Variants in RGS6 observed in about 807,000 individuals in gnomAD.
RGS6 encodes the protein regulator of G protein signaling 6.
A neutral mutation model predicts 78.5 loss-of-function variants in RGS6; 30 were observed. That is an observed-to-expected ratio of 0.38 (90% CI 0.29 to 0.52). RGS6 has a LOEUF of 0.52. Among genes scored for constraint, RGS6 ranks in the 20% least tolerant of loss-of-function variants. RGS6 has a pLI of 0.85. For missense variants in RGS6, 495 were observed against 609.7 expected (o/e 0.81, Z 1.98); for synonymous variants, 206 against 206.0 (o/e 1.00, Z 0.00).
At chr14:72,106,605 T>A (rs966720504) in intron 2 of RGS6, among the ~76,000 whole-genome samples, 1 of 152,196 alleles carries the variant, frequency 6.6e-6, no homozygotes, top group Non-Finnish European at 1.5e-5. Context: ...TTCCAGTAAT[T>A]ACTCCCTTGC....
intron 3 of RGS6, among the ~76,000 whole-genome samples, chr14:72,449,131 G>A (rs1455961129): frequency 6.6e-6 from 1 of 152,152 alleles, no homozygotes; most frequent in Non-Finnish European, 1.5e-5. Flanking sequence ...AAATCCAATG[G>A]ATCAAGTCAT....
chr14:72,345,676 G>A (rs1004706858), intron 2 of RGS6, among the ~76,000 whole-genome samples: 2 of 152,148 alleles, frequency 1.3e-5, no homozygotes, highest in Non-Finnish European at 2.9e-5. Flanking sequence ...GAGTCACTCT[G>A]AAATGTATTA....
intron 3 of RGS6, among the ~76,000 whole-genome samples, chr14:72,370,708 G>A (rs779325025): frequency 4.9e-4 from 74 of 152,110 alleles, no homozygotes; most frequent in Non-Finnish European, 1.1e-3. Context: ...GAGACTACCA[G>A]AGTGTTGAAA....
At chr14:71,879,101 A>T in the RGS6 span, among the ~76,000 whole-genome samples, 2 of 152,156 alleles carry the variant, frequency 1.3e-5, no homozygotes, top group African/African-American at 2.4e-5. Flanking sequence ...GATGTTTACA[A>T]AAAGGGAAGA....
chr14:72,407,222 T>TC (rs2093010112), intron 3 of RGS6, among the ~76,000 whole-genome samples: 1 of 152,172 alleles, frequency 6.6e-6, no homozygotes, highest in South Asian at 2.1e-4. Flanking sequence ...GGATCTGCAT[T>TC]CTCTCTGTGT....
the RGS6 span, among the ~76,000 whole-genome samples, chr14:71,911,284 C>T: frequency 6.6e-6 from 1 of 152,140 alleles, no homozygotes; most frequent in South Asian, 2.1e-4. Context: ...CTCAACACCT[C>T]GATTCAAGAA....
chr14:72,421,649 G>C (rs2094187039), intron 3 of RGS6: 2 of 152,212 alleles, frequency 1.3e-5, no homozygotes, highest in Admixed American at 1.3e-4. Flanking sequence ...AGACAGCACC[G>C]GCTTAGAAAC....
intron 2 of RGS6, among the ~76,000 whole-genome samples, chr14:72,221,848 C>T (rs567824542): frequency 1.3e-5 from 2 of 152,136 alleles, no homozygotes; most frequent in Non-Finnish European, 2.9e-5. Flanking sequence ...CCAGTAGGGC[C>T]CTCCCTGGGA....
chr14:72,166,527 A>G (rs1411678215), intron 2 of RGS6, among the ~76,000 whole-genome samples: 1 of 152,192 alleles, frequency 6.6e-6, no homozygotes, highest in Non-Finnish European at 1.5e-5. Context: ...GATGGAGAAG[A>G]TCTCATTATA....
At chr14:72,287,813 C>A (rs2062856943) in intron 2 of RGS6, among the ~76,000 whole-genome samples, 1 of 152,164 alleles carries the variant, frequency 6.6e-6, no homozygotes, top group Non-Finnish European at 1.5e-5. Context: ...AGAGTTTTAT[C>A]TTGGAAGGTC....
At chr14:72,198,655 C>T (rs1000099647) in intron 2 of RGS6, among the ~76,000 whole-genome samples, 4 of 152,184 alleles carry the variant, frequency 2.6e-5, no homozygotes, top group African/African-American at 9.7e-5. Context: ...TGAAGTTCAG[C>T]TTCCTAATTT....
chr14:72,439,868 C>T (rs979607398), intron 3 of RGS6, among the ~76,000 whole-genome samples: 8 of 152,204 alleles, frequency 5.3e-5, no homozygotes, highest in Non-Finnish European at 1.5e-5. Context: ...TCCACCTTCT[C>T]CTAGAAAGAC....
chr14:72,072,793 C>G (rs536780550), intron 2 of RGS6, among the ~76,000 whole-genome samples: 1 of 152,230 alleles, frequency 6.6e-6, no homozygotes, highest in South Asian at 2.1e-4. Flanking sequence ...ATTTTTATGT[C>G]AAAATATATT....
the RGS6 span, among the ~76,000 whole-genome samples, chr14:71,879,253 A>T: frequency 6.6e-6 from 1 of 152,230 alleles, no homozygotes; most frequent in South Asian, 2.1e-4. Flanking sequence ...GTTAATTCTG[A>T]AATTTGCTGT....
intron 13 of RGS6, among the ~76,000 whole-genome samples, chr14:72,509,628 G>GT (rs1429847383): frequency 6.6e-6 from 1 of 152,238 alleles, no homozygotes; most frequent in Non-Finnish European, 1.5e-5. Context: ...ATAAGTGCAT[G>GT]TAACATTCTG....
intron 3 of RGS6, among the ~76,000 whole-genome samples, chr14:72,396,022 A>G (rs1250127418): frequency 1.3e-5 from 2 of 152,116 alleles, no homozygotes; most frequent in African/African-American, 4.8e-5. Flanking sequence ...TGGCAGCATG[A>G]TTTATAATCC....
At position 72,442,436 on chromosome 14, in the gene RGS6, G is replaced by A. The variant is rs138915570; in HGVS notation, c.185-12092G>A. ...CTCTGTGAGCCTTTTCTTGACACTG[G>A]GTCACCCAGAATTACTCCCCTGTCT... is the stretch of plus-strand genomic sequence containing the variant. On this transcript the variant is annotated intron_variant, in intron 3 of 17. Coordinates refer to ENST00000553525, the MANE Select transcript of RGS6 (RefSeq NM_001204424.2). 3.8e-4 allele frequency among the ~76,000 whole-genome samples: 57 copies of A among 151,936 alleles called. 1 individual carries two copies. Among genetic ancestry groups the A allele is most frequent in the African/African-American group, 1.4e-3 (57 of 41,404 alleles).
At chr14:72,072,553 C>T (rs920475529) in intron 2 of RGS6, among the ~76,000 whole-genome samples, 1 of 151,878 alleles carries the variant, frequency 6.6e-6, no homozygotes. Flanking sequence ...AGGTGATCCA[C>T]CTGCCCCGGC....
chr14:72,131,388 A>C (rs1446599729), intron 2 of RGS6, among the ~76,000 whole-genome samples: 1 of 152,164 alleles, frequency 6.6e-6, no homozygotes, highest in Non-Finnish European at 1.5e-5. Context: ...TATTATCTCA[A>C]ATCAAATATT....
Sources: gnomAD v4.1 joint callset for allele counts (sites outside exome capture counted in the v4.1 genomes callset) on GRCh38, gnomAD v4.1.1 for gene constraint, MANE v1.5 for transcripts, NCBI Gene and HGNC (gene_info 2026-07-23, HGNC 2026-07-21) for gene names.